MCPH1: variants seen among roughly 807,000 people sequenced by gnomAD.
MCPH1 encodes microcephalin.
MCPH1 carries 104 observed loss-of-function variants against 84.5 expected under a neutral mutation model. The ratio of observed to expected loss-of-function variants is 1.23; its 90% CI spans 1.05 to 1.45. MCPH1 has a LOEUF of 1.45. MCPH1 is among the 40% of genes most tolerant of loss of function. The pLI, the probability that MCPH1 is intolerant of heterozygous loss-of-function variation, is 0.00. For synonymous variants in MCPH1, 514 were observed against 366.8 expected (o/e 1.40, Z -4.58); for missense variants, 1,498 against 1,005.7 (o/e 1.49, Z -6.62).
intron 12 of MCPH1, among the ~76,000 whole-genome samples, chr8:6,511,630 C>T (rs1815119131): frequency 1.3e-5 from 2 of 152,308 alleles, no homozygotes; most frequent in South Asian, 4.1e-4. Context: ...AGTCCCTTCA[C>T]AGTTCTCTTA....
At position 6,496,350 on chromosome 8, in the gene MCPH1, A is replaced by G. The variant is rs560614165; in HGVS notation, c.2137-3502A>G. Among the ~76,000 whole-genome samples the G allele has an allele frequency of 3.9e-5, 6 of 152,222 alleles. 1 individual carries two copies. In the South Asian group the frequency reaches 1.2e-3, roughly 32 times the overall value. Reference sequence around the variant, plus strand: ...TCAGGTGGTAATTAAAGCAATGGGAAGTGGCTGTAAATACAGATGAGGCTT... The same window carrying G: ...TCAGGTGGTAATTAAAGCAATGGGAGGTGGCTGTAAATACAGATGAGGCTT... On this transcript the variant is annotated intron_variant, in intron 11 of 13. Coordinates refer to ENST00000344683, the MANE Select transcript of MCPH1 (RefSeq NM_024596.5).
chr8:6,642,403 C>T (rs886433826), intron 13 of MCPH1, among the ~76,000 whole-genome samples: 1 of 152,106 alleles, frequency 6.6e-6, no homozygotes, highest in Non-Finnish European at 1.5e-5. Flanking sequence ...GGGCCAGGCG[C>T]AACTTGTGAT....
chr8:6,479,017 C>A (rs186491850), intron 10 of MCPH1, among the ~76,000 whole-genome samples: 1 of 152,196 alleles, frequency 6.6e-6, no homozygotes, highest in Non-Finnish European at 1.5e-5. Flanking sequence ...ATAATCCCAG[C>A]ACTTTGAGGG....
intron 13 of MCPH1, among the ~76,000 whole-genome samples, chr8:6,637,497 C>G (rs936408265): frequency 3.3e-5 from 5 of 152,132 alleles, no homozygotes; most frequent in African/African-American, 1.2e-4. Flanking sequence ...GGAAATGAAG[C>G]TGGAGAAGCA....
intron 12 of MCPH1, among the ~76,000 whole-genome samples, chr8:6,596,063 C>A (rs1172299999): frequency 6.6e-6 from 1 of 152,184 alleles, no homozygotes; most frequent in Non-Finnish European, 1.5e-5. Context: ...TGTCCTTCAG[C>A]ACAGTTTGCA....
intron 12 of MCPH1, among the ~76,000 whole-genome samples, chr8:6,546,643 G>C (rs1323919951): frequency 6.6e-6 from 1 of 152,124 alleles, no homozygotes; most frequent in Non-Finnish European, 1.5e-5. Context: ...CTTAATACAA[G>C]CAACTGTTGG....
intron 12 of MCPH1, among the ~76,000 whole-genome samples, chr8:6,559,912 T>C (rs1044585831): frequency 6.6e-6 from 1 of 152,218 alleles, no homozygotes; most frequent in Admixed American, 6.5e-5. Context: ...CTGTCCTGTA[T>C]TGTTCCATTC....
intron 8 of MCPH1, among the ~76,000 whole-genome samples, chr8:6,448,251 G>C (rs749555340): frequency 6.6e-6 from 1 of 152,258 alleles, no homozygotes; most frequent in African/African-American, 2.4e-5. Context: ...GGCCTGGGGA[G>C]GGAGAGGGAG....
chr8:6,433,904 C>G (rs2979640), intron 4 of MCPH1, among the ~76,000 whole-genome samples: 2,280 of 152,154 alleles, frequency 0.015, 58 homozygotes, highest in African/African-American at 0.051. Context: ...GCCTGCCCAG[C>G]TTGCTGTTCC....
intron 11 of MCPH1, among the ~76,000 whole-genome samples, chr8:6,486,691 A>G (rs184711174): frequency 1.8e-4 from 27 of 152,330 alleles, no homozygotes; most frequent in African/African-American, 5.8e-4. Flanking sequence ...TTCCTCCTTC[A>G]TGACTGAATT....
At chr8:6,604,702 A>T (rs542796571) in intron 12 of MCPH1, among the ~76,000 whole-genome samples, 92 of 152,192 alleles carry the variant, frequency 6.0e-4, no homozygotes, top group Middle Eastern at 3.2e-3. Context: ...ACAGGGTTTC[A>T]CCATGTTGGC....
chr8:6,517,075 G>A (rs1293925819), intron 12 of MCPH1, among the ~76,000 whole-genome samples: 1 of 152,202 alleles, frequency 6.6e-6, no homozygotes, highest in African/African-American at 2.4e-5. Context: ...AACTTGCAGA[G>A]AAAGATAGTG....
At chr8:6,526,308 C>T (rs776172671) in intron 12 of MCPH1, among the ~76,000 whole-genome samples, 5 of 148,164 alleles carry the variant, frequency 3.4e-5, no homozygotes, top group African/African-American at 1.3e-4. Context: ...GTGACACATG[C>T]CTGTAGTCCC....
chr8:6,428,824 C>T (rs1801436715), intron 3 of MCPH1, among the ~76,000 whole-genome samples: 1 of 152,178 alleles, frequency 6.6e-6, no homozygotes, highest in Non-Finnish European at 1.5e-5. Flanking sequence ...CTTTCTTGAC[C>T]CTTTTCACCC....
At chr8:6,642,936 C>T in intron 13 of MCPH1, 58 bp from the exon 14 acceptor site, 1 of 1,496,180 alleles carries the variant, frequency 6.7e-7, no homozygotes, top group Admixed American at 1.7e-5. Context: ...AACAGGTTAT[C>T]ACTTTCCTAT....
chr8:6,531,525 C>A (rs1213186996), intron 12 of MCPH1, among the ~76,000 whole-genome samples: 1 of 152,152 alleles, frequency 6.6e-6, no homozygotes, highest in Non-Finnish European at 1.5e-5. Context: ...CTCCTGACCT[C>A]AGGTGATCCA....
intron 12 of MCPH1, among the ~76,000 whole-genome samples, chr8:6,603,278 C>T (rs577830075): frequency 3.3e-5 from 5 of 152,158 alleles, no homozygotes; most frequent in Admixed American, 2.0e-4. Flanking sequence ...GTTTTGTCTT[C>T]AGTTTTCTCA....
At chr8:6,633,769 C>T (rs924424442) in intron 13 of MCPH1, among the ~76,000 whole-genome samples, 3 of 152,146 alleles carry the variant, frequency 2.0e-5, no homozygotes, top group African/African-American at 4.8e-5. Context: ...CACGTGGGGC[C>T]GAGAACTCCA....
In MCPH1 at chr8:6,442,120, G is replaced by A. The variant is rs2922828; in HGVS notation, c.634G>A (p.Ala212Thr). ...TAATCCAAGTAACTCTCTGTGTGAA[G>A]CACCTTTGAACATTTCACGTGATAC... ...HDNPSNSLCE[A>T]PLNISRDTLC... Residue 212 changes from alanine (A) to threonine (T), a missense_variant, in exon 7 of 14, where the codon GCA becomes ACA. Physicochemically the swap from Ala to Thr is moderately conservative, Grantham distance 58. Coordinates refer to ENST00000344683, the MANE Select transcript of MCPH1 (RefSeq NM_024596.5). 2.8e-3 allele frequency: 4,545 copies of A among 1,613,298 alleles called. 101 individuals are homozygous for A. The African/African-American group carries it at 0.051, about 18-fold the overall frequency.
Sources: allele counts gnomAD v4.1 joint callset (sites outside exome capture counted in the v4.1 genomes callset), GRCh38; gene constraint gnomAD v4.1.1; transcripts MANE v1.5; gene names NCBI Gene and HGNC (gene_info 2026-07-23, HGNC 2026-07-21).